TARBP1: variants seen among roughly 807,000 people sequenced by gnomAD.
The protein encoded by TARBP1 is tRNA guanosine 2 -O-methyltransferase TARBP1, also known as tRNA (guanosine(18)-2'-O)-methyltransferase TARBP1.
In TARBP1, 144 loss-of-function variants were observed where a neutral mutation model predicts 178.6. The observed-to-expected ratio is 0.81, with a 90% confidence interval of 0.70 to 0.93. TARBP1 has a LOEUF of 0.93. Ranked by LOEUF, TARBP1 falls within the 40% of genes least tolerant of loss-of-function variation. The pLI, the probability that TARBP1 is intolerant of heterozygous loss-of-function variation, is 0.00. For synonymous variants in TARBP1, 787 were observed against 781.0 expected, an observed-to-expected ratio of 1.01 and a Z score of -0.13; for missense variants, 2,067 against 2,011.7, an observed-to-expected ratio of 1.03 and a Z score of -0.53.
chr1:234,468,230 A>G (rs1668654755), intron 3 of TARBP1, among the ~76,000 whole-genome samples: 1 of 152,170 alleles, frequency 6.6e-6, no homozygotes, highest in Admixed American at 6.5e-5. Flanking sequence ...AGGCAGATGG[A>G]TCACATGAGG....
chr1:234,396,787 C>A (rs942767082), intron 26 of TARBP1, among the ~76,000 whole-genome samples: 24 of 151,688 alleles, frequency 1.6e-4, no homozygotes, highest in Admixed American at 1.2e-3. Context: ...AAAAAAAAAT[C>A]TAAGGGTGGG....
At chr1:234,421,150 G>A (rs929488719) in intron 20 of TARBP1, among the ~76,000 whole-genome samples, 3 of 152,018 alleles carry the variant, frequency 2.0e-5, no homozygotes, top group East Asian at 1.9e-4. Flanking sequence ...GTGCAATGGC[G>A]TGATCTCAGC....
chr1:234,451,948 C>G (rs1483668082), intron 9 of TARBP1, among the ~76,000 whole-genome samples: 1 of 152,084 alleles, frequency 6.6e-6, no homozygotes, highest in Non-Finnish European at 1.5e-5. Flanking sequence ...ACAGTATACA[C>G]TTTTCTTTGC....
intron 26 of TARBP1, among the ~76,000 whole-genome samples, chr1:234,394,722 C>T (rs1442972117): frequency 1.1e-4 from 17 of 152,242 alleles, no homozygotes; most frequent in Admixed American, 1.1e-3. Flanking sequence ...CAGCAAGTAC[C>T]TTGGTTTAGT....
rs745664746 is a variant in TARBP1, at chr1:234,467,645, A to G, written c.1105T>C (p.Trp369Arg). The change falls in exon 4 of 30, where the codon TGG becomes CGG. Residue 369 changes from tryptophan (W) to arginine (R), a missense_variant. Trp to Arg is a moderately radical substitution (Grantham distance 101). Transcript: ENST00000040877. ...EYAVSEENGC[W>R]LFHPSWHMCI... Reference sequence around the variant, plus strand: ...ATATGCCAGGATGGGTGAAAGAGCCAACATCCTGTGGAAACAAACATCAAA... The same window carrying G: ...ATATGCCAGGATGGGTGAAAGAGCCGACATCCTGTGGAAACAAACATCAAA... 7 of 1,578,926 alleles carry G rather than the reference A, an allele frequency of 4.4e-6. No individual in the cohort carries two copies. The highest frequency in any genetic ancestry group is 2.0e-5 in the Admixed American group (1 of 50,854).
intron 3 of TARBP1, among the ~76,000 whole-genome samples, chr1:234,468,940 T>C (rs1379456236): frequency 6.6e-6 from 1 of 151,554 alleles, no homozygotes; most frequent in Non-Finnish European, 1.5e-5. Flanking sequence ...CTCATATATC[T>C]TACAATCAAA....
At position 234,479,063 on chromosome 1, in the gene TARBP1, C is replaced by A. The variant is rs201809198; in HGVS notation, c.41G>T (p.Arg14Leu). Residue 14 changes from arginine to leucine, a missense_variant, in exon 1 of 30, where the codon CGG becomes CTG. Physicochemically the swap from Arg to Leu is moderately radical, Grantham distance 102. Coordinates refer to ENST00000040877, the MANE Select transcript of TARBP1 (RefSeq NM_005646.4). ...CGCCCCAAGCAGGGCCCGGGGGTCC[C>A]GGCTCTGCGAGAGCAGCGCTTCCGC... Reference protein sequence around the residue: ...VLAEALLSQSRDPRALLGALC... With the variant: ...VLAEALLSQSLDPRALLGALC... 5.2e-5 allele frequency: 80 copies of A among 1,539,744 alleles called. No homozygotes were observed. The African/African-American group carries it at 1.1e-3, about 21-fold the overall frequency.
intron 1 of TARBP1, among the ~76,000 whole-genome samples, chr1:234,476,662 AG>A (rs2103322835): frequency 6.6e-6 from 1 of 152,358 alleles, no homozygotes; most frequent in Non-Finnish European, 1.5e-5. Context: ...TTTCCTACAT[AG>A]ATCACCTGCA....
intron 12 of TARBP1, among the ~76,000 whole-genome samples, chr1:234,444,610 G>C (rs1665958865): frequency 6.6e-6 from 1 of 151,870 alleles, no homozygotes; most frequent in Non-Finnish European, 1.5e-5. Context: ...CACTCACAAA[G>C]CCTCTTTCCC....
chr1:234,450,364 C>G, intron 10 of TARBP1, 64 bp downstream of exon 10: 1 of 1,344,346 alleles, frequency 7.4e-7, no homozygotes, highest in Non-Finnish European at 1.0e-6. Flanking sequence ...GTCTGAAAAA[C>G]TAGTTAAAAG....
intron 9 of TARBP1, among the ~76,000 whole-genome samples, chr1:234,454,815 C>A (rs923013639): frequency 1.3e-5 from 2 of 152,164 alleles, no homozygotes; most frequent in South Asian, 2.1e-4. Context: ...AATCCCGGAA[C>A]CTGTGAATGT....
At position 234,391,575 on chromosome 1, in the gene TARBP1, C is replaced by G; in HGVS notation, c.*2G>C. ...CAGCAGCAGTTCACTAAGGAAGGCA[C>G]ATCATGGCTTGGTATCTCCGTGCGA... On this transcript the variant is annotated 3_prime_UTR_variant, in exon 30 of 30. Coordinates refer to ENST00000040877, the MANE Select transcript of TARBP1 (RefSeq NM_005646.4). 3 of 1,603,992 alleles carry G rather than the reference C, an allele frequency of 1.9e-6. No homozygotes were observed. Among genetic ancestry groups the G allele is most frequent in the Non-Finnish European group, 2.6e-6 (3 of 1,173,696 alleles).
chr1:234,459,078 C>A (rs542743436), intron 8 of TARBP1, 152 bp downstream of exon 8: 4 of 593,148 alleles, frequency 6.7e-6, no homozygotes, highest in Non-Finnish European at 1.2e-5. Context: ...TTAGAGAGAT[C>A]ATATGTATTA....
intron 22 of TARBP1, among the ~76,000 whole-genome samples, chr1:234,413,406 A>G (rs887763392): frequency 3.9e-5 from 6 of 152,300 alleles, no homozygotes; most frequent in East Asian, 3.9e-4. Flanking sequence ...CCCGGGAGGC[A>G]GAGGTTGCAG....
In TARBP1 at chr1:234,391,418, T is replaced by C. The variant is rs947418693; in HGVS notation, c.*159A>G. 2.6e-5 allele frequency: 14 copies of C among 545,222 alleles called. No homozygotes were observed. Among genetic ancestry groups the C allele is most frequent in the Admixed American group, 1.2e-4 (3 of 25,984 alleles). The allele number at this position is 545,222 out of a possible 1,614,324, so 33.8% of individuals were successfully genotyped here. On this transcript the variant is annotated 3_prime_UTR_variant, in exon 30 of 30. Transcript: ENST00000040877. ...AGTGTTTATTAAAGGGGAAAATATA[T>C]AGTAATATGTTTAAGGCACATGGCA... is the stretch of plus-strand genomic sequence containing the variant.
intron 21 of TARBP1, among the ~76,000 whole-genome samples, chr1:234,419,932 G>A (rs1662896543): frequency 6.6e-6 from 1 of 152,180 alleles, no homozygotes; most frequent in East Asian, 1.9e-4. Context: ...TGTAAAGAAA[G>A]AGGCTAGTAT....
At chr1:234,437,145 C>T in intron 13 of TARBP1, 130 bp downstream of exon 13, 3 of 445,048 alleles carry the variant, frequency 6.7e-6, no homozygotes, top group Non-Finnish European at 7.8e-6. Flanking sequence ...GTTTTTTTTG[C>T]TGCTTCCTAA....
intron 23 of TARBP1, chr1:234,406,538 C>T: frequency 1.1e-5 from 2 of 177,746 alleles, no homozygotes; most frequent in Non-Finnish European, 2.4e-5. Flanking sequence ...AGATACCACA[C>T]AAAGTGCTGT....
At chr1:234,419,915 A>G (rs1389204527) in intron 21 of TARBP1, among the ~76,000 whole-genome samples, 1 of 152,176 alleles carries the variant, frequency 6.6e-6, no homozygotes, top group Non-Finnish European at 1.5e-5. Flanking sequence ...ATAAGACTTC[A>G]TAAGATTGTA....
Sources: gnomAD v4.1 joint callset for allele counts (sites outside exome capture counted in the v4.1 genomes callset) on GRCh38, gnomAD v4.1.1 for gene constraint, MANE v1.5 for transcripts, NCBI Gene and HGNC (gene_info 2026-07-23, HGNC 2026-07-21) for gene names.